GPR180: variants seen among roughly 807,000 people sequenced by gnomAD.
The protein encoded by GPR180 is G protein-coupled receptor 180.
Under a neutral mutation model 52.6 loss-of-function variants are expected in GPR180, and 53 were observed. The ratio of observed to expected loss-of-function variants is 1.01; its 90% CI spans 0.81 to 1.27. The LOEUF is 1.27. GPR180 is among the 50% of genes most tolerant of loss of function. The probability of loss-of-function intolerance (pLI) is 0.00; values close to 1 mark genes in which losing one functional copy is unlikely to be tolerated. For missense variants in GPR180, 533 were observed against 527.0 expected (o/e 1.01, Z -0.11); for synonymous variants, 200 against 193.1 (o/e 1.04, Z -0.30).
At chr13:94,611,946 A>G (rs1889711885) in intron 2 of GPR180, among the ~76,000 whole-genome samples, 1 of 151,872 alleles carries the variant, frequency 6.6e-6, no homozygotes, top group African/African-American at 2.4e-5. Flanking sequence ...GTGGTGTTTT[A>G]TAGTCATACT....
At chr13:94,623,011 A>T in intron 6 of GPR180, 98 bp from the exon 7 acceptor site, 1 of 814,584 alleles carries the variant, frequency 1.2e-6, no homozygotes, top group Non-Finnish European at 2.0e-6. Context: ...AGGAATGTTT[A>T]TATAACATTT....
chr13:94,608,019 T>C (rs1889656693), intron 2 of GPR180, among the ~76,000 whole-genome samples: 1 of 152,232 alleles, frequency 6.6e-6, no homozygotes, highest in African/African-American at 2.4e-5. Flanking sequence ...AGCTTTGAGC[T>C]ATAGGAATAT....
At chr13:94,626,944 C>G in intron 8 of GPR180, 69 bp from the exon 9 acceptor site, 2 of 1,126,212 alleles carry the variant, frequency 1.8e-6, no homozygotes, top group Non-Finnish European at 2.5e-6. Flanking sequence ...TATATAGATT[C>G]ATAATAAATT....
chr13:94,609,529 T>G lies in GPR180; in HGVS notation c.305-2661T>G, dbSNP rs141596643. Among the ~76,000 whole-genome samples, 648 of 152,050 alleles carry G rather than the reference T, an allele frequency of 4.3e-3. 3 individuals carry two copies. Among genetic ancestry groups the G allele is most frequent in the African/African-American group, 0.014 (570 of 41,462 alleles). On this transcript the variant is annotated intron_variant, in intron 2 of 8. Coordinates refer to ENST00000376958, the MANE Select transcript of GPR180 (RefSeq NM_180989.6). Reference sequence around the variant, plus strand: ...AAAAATATATTGGTAAAAGTGTGGGTTTTTTTTATATTTTATCTAAGAGAA... The same window carrying G: ...AAAAATATATTGGTAAAAGTGTGGGGTTTTTTTATATTTTATCTAAGAGAA...
intron 1 of GPR180, among the ~76,000 whole-genome samples, chr13:94,603,785 A>G (rs1889591585): frequency 6.6e-6 from 1 of 152,148 alleles, no homozygotes; most frequent in African/African-American, 2.4e-5. Flanking sequence ...TAAAATGAAA[A>G]ACAGTCTCCT....
At chr13:94,611,675 A>G (rs947386402) in intron 2 of GPR180, among the ~76,000 whole-genome samples, 4 of 151,666 alleles carry the variant, frequency 2.6e-5, no homozygotes, top group Admixed American at 6.6e-5. Context: ...TTCTGCCCCC[A>G]CTCAGCCCCT....
Position 94,605,626 on chromosome 13 carries a change from CAT to C in GPR180, c.304+80_304+81del, listed in dbSNP as rs1235474266. Reference sequence around the variant, plus strand: ...ATGTTGAAATATAGTACCATATGTACATATGTTATGTTTCCTGACAGCATAAT... The same window carrying C: ...ATGTTGAAATATAGTACCATATGTACATGTTATGTTTCCTGACAGCATAAT... On this transcript the variant is annotated intron_variant, in intron 2 of 8. Transcript: ENST00000376958. The C allele has an allele frequency of 5.9e-5, 71 of 1,201,026 alleles. No individual in the cohort carries two copies. In the African/African-American group the frequency reaches 8.9e-4, roughly 15 times the overall value. 74.4% of individuals were successfully genotyped at this position (1,201,026 alleles called of 1,614,324 possible). A position where few individuals can be genotyped will look rare whatever the true frequency, so the allele number is the denominator to read the frequency against.
intron 1 of GPR180, among the ~76,000 whole-genome samples, chr13:94,603,184 G>A (rs1889582247): frequency 1.3e-5 from 2 of 151,736 alleles, no homozygotes; most frequent in Admixed American, 6.6e-5. Flanking sequence ...GAATGAAGAA[G>A]AAACACTAGA....
chr13:94,602,896 T>C (rs919370289), intron 1 of GPR180, among the ~76,000 whole-genome samples: 1 of 152,360 alleles, frequency 6.6e-6, no homozygotes, highest in South Asian at 2.1e-4. Flanking sequence ...ATTATTTGCC[T>C]TGATGACATT....
intron 1 of GPR180, 58 bp downstream of exon 1, chr13:94,602,130 T>A: frequency 8.8e-6 from 11 of 1,252,596 alleles, no homozygotes; most frequent in Non-Finnish European, 1.1e-5. Flanking sequence ...GCCGGCTGAG[T>A]CCGCCGGCCG....
In GPR180 at chr13:94,627,253, C is replaced by A; in HGVS notation, c.*82C>A. Reference sequence around the variant, plus strand: ...CAAATACAGTGACTTTTTTTTCATACATTTAGTATGAAAACTTGAACAGCG... The same window carrying A: ...CAAATACAGTGACTTTTTTTTCATAAATTTAGTATGAAAACTTGAACAGCG... On this transcript the variant is annotated 3_prime_UTR_variant, in exon 9 of 9. Coordinates refer to ENST00000376958, the MANE Select transcript of GPR180 (RefSeq NM_180989.6). The A allele has an allele frequency of 8.5e-7, 1 of 1,182,278 alleles. No individual in the cohort carries two copies. The highest frequency in any genetic ancestry group is 1.2e-6 in the Non-Finnish European group (1 of 822,566). 73.2% of individuals were successfully genotyped at this position (1,182,278 alleles called of 1,614,324 possible).
chr13:94,616,124 T>C (rs1367392317), intron 3 of GPR180, among the ~76,000 whole-genome samples: 1 of 152,200 alleles, frequency 6.6e-6, no homozygotes, highest in African/African-American at 2.4e-5. Context: ...TCTAGATGAT[T>C]GCAATATTCA....
chr13:94,601,933 G>T lies in GPR180; in HGVS notation c.6G>T (p.Gly2=), dbSNP rs759143850. 2.5e-5 allele frequency: 38 copies of T among 1,490,806 alleles called. No individual in the cohort carries two copies. The highest frequency in any genetic ancestry group is 2.2e-4 in the Middle Eastern group (1 of 4,554). 92.3% of individuals were successfully genotyped at this position (1,490,806 alleles called of 1,614,324 possible). A position where few individuals can be genotyped will look rare whatever the true frequency, so the allele number is the denominator to read the frequency against. M[G]GLRLLAVALT... is the part of the protein sequence containing the mutation. Reference sequence around the variant, plus strand: ...GTGCAGACCTGGAGACGGGCATGGGGGGGCTGCGGCTGCTGGCTGTGGCCC... The same window carrying T: ...GTGCAGACCTGGAGACGGGCATGGGTGGGCTGCGGCTGCTGGCTGTGGCCC... Residue 2 remains glycine, a synonymous_variant, in exon 1 of 9, where the codon GGG becomes GGT. Transcript: ENST00000376958.
Position 94,629,330 on chromosome 13 carries a change from G to C in GPR180, c.*2159G>C, listed in dbSNP as rs1472606265. 1 of 151,896 alleles carries C rather than the reference G, an allele frequency of 6.6e-6. No individual in the cohort carries two copies. The highest frequency in any genetic ancestry group is 2.4e-5 in the African/African-American group (1 of 41,362). 9.4% of individuals were successfully genotyped at this position (151,896 alleles called of 1,614,324 possible). ...TTTTTTATGTGTTTTTACATTTTTT[G>C]AAAGAAGATAAATGGTTCATCCAGA... On this transcript the variant is annotated 3_prime_UTR_variant, in exon 9 of 9. Transcript: ENST00000376958.
chr13:94,619,541 T>C, intron 5 of GPR180, 24 bp downstream of exon 5: 1 of 1,594,662 alleles, frequency 6.3e-7, no homozygotes, highest in Non-Finnish European at 8.6e-7. Context: ...TGAGCATTTT[T>C]TAAAAAGCTT....
chr13:94,608,951 A>T (rs923954532), intron 2 of GPR180, among the ~76,000 whole-genome samples: 5 of 152,230 alleles, frequency 3.3e-5, no homozygotes, highest in African/African-American at 4.8e-5. Context: ...TTTAAAAAAT[A>T]CTAAAAACTA....
chr13:94,623,586 G>A (rs1594479033), intron 7 of GPR180, among the ~76,000 whole-genome samples: 1 of 151,906 alleles, frequency 6.6e-6, no homozygotes, highest in East Asian at 1.9e-4. Flanking sequence ...AGGCTGAGAT[G>A]GGAGGATTGC....
intron 4 of GPR180, 34 bp downstream of exon 4, chr13:94,619,364 T>A (rs1320854399): frequency 2.5e-6 from 4 of 1,607,788 alleles, no homozygotes; most frequent in Non-Finnish European, 3.4e-6. Flanking sequence ...TGTTCATCAT[T>A]ACATCTAATT....
chr13:94,605,146 T>C (rs1172469186), intron 1 of GPR180, among the ~76,000 whole-genome samples: 2 of 152,188 alleles, frequency 1.3e-5, no homozygotes, highest in Non-Finnish European at 2.9e-5. Context: ...ACCCCAGATA[T>C]TGCGGTTTAT....
Sources: allele counts gnomAD v4.1 joint callset (sites outside exome capture counted in the v4.1 genomes callset), GRCh38; gene constraint gnomAD v4.1.1; transcripts MANE v1.5; gene names NCBI Gene and HGNC (gene_info 2026-07-23, HGNC 2026-07-21).